CACNA1A: variants seen among roughly 807,000 people sequenced by gnomAD.
The protein encoded by CACNA1A is calcium voltage-gated channel subunit alpha1 A, also known as voltage-dependent P/Q-type calcium channel subunit alpha-1A.
CACNA1A carries 57 observed loss-of-function variants against 262.4 expected under a neutral mutation model. The observed-to-expected ratio is 0.22, with a 90% CI of 0.18 to 0.27. The LOEUF (loss-of-function observed/expected upper bound fraction) is 0.27, where lower values mean the gene tolerates loss of function less well. Ranked by LOEUF, CACNA1A falls within the 10% of genes least tolerant of loss-of-function variation. The pLI, the probability that CACNA1A is intolerant of heterozygous loss-of-function variation, is 1.00. For missense variants in CACNA1A, 2,526 were observed against 3,562.8 expected, an observed-to-expected ratio of 0.71 and a Z score of 7.41; for synonymous variants, 1,431 against 1,419.3, an observed-to-expected ratio of 1.01 and a Z score of -0.18.
At chr19:13,438,449 G>A (rs1209425234) in intron 3 of CACNA1A, among the ~76,000 whole-genome samples, 1 of 152,232 alleles carries the variant, frequency 6.6e-6, no homozygotes, top group African/African-American at 2.4e-5. Context: ...AACTAGCTCA[G>A]GCTAGCCTGC....
At chr19:13,268,893 CTTTTTTTTTTT>C (rs3050832) in intron 24 of CACNA1A, among the ~76,000 whole-genome samples, 1 of 107,948 alleles carries the variant, frequency 9.3e-6, no homozygotes, top group Non-Finnish European at 1.8e-5. Flanking sequence ...ATAGATTCTA[CTTTTTTTTTTT>C]TTTTTTTTTT....
intron 2 of CACNA1A, among the ~76,000 whole-genome samples, chr19:13,454,826 G>T (rs934703805): frequency 1.3e-5 from 2 of 152,122 alleles, no homozygotes; most frequent in African/African-American, 4.8e-5. Flanking sequence ...AACTGGGCAT[G>T]GTGGCACCTG....
chr19:13,368,216 G>T (rs1047408002), intron 4 of CACNA1A, among the ~76,000 whole-genome samples: 4 of 152,128 alleles, frequency 2.6e-5, no homozygotes, highest in African/African-American at 9.7e-5. Context: ...TTGGGAGGCT[G>T]AGATGGTAGG....
At chr19:13,347,827 C>G (rs2145198154) in intron 6 of CACNA1A, among the ~76,000 whole-genome samples, 1 of 152,316 alleles carries the variant, frequency 6.6e-6, no homozygotes, top group South Asian at 2.1e-4. Context: ...TCAAGACAAA[C>G]ATCTATGAAT....
At position 13,308,700 on chromosome 19, in the gene CACNA1A, C is replaced by T. The variant is rs540850471; in HGVS notation, c.1669-172G>A. On this transcript the variant is annotated intron_variant, in intron 12 of 46. Transcript: ENST00000360228. The surrounding 1 kb of genome is among the most constrained non-coding windows in gnomAD (Gnocchi z 4.2). ...CATCCATTCATTTATCTATAGAGAC[C>T]GGGTCTCACTGTGTCACCCAGGCTG... The T allele has an allele frequency of 1.7e-5, 9 of 541,530 alleles. No homozygotes were observed. Among genetic ancestry groups the T allele is most frequent in the Admixed American group, 6.5e-5 (2 of 30,620 alleles). The allele number at this position is 541,530 out of a possible 1,614,324, so 33.5% of individuals were successfully genotyped here.
intron 38 of CACNA1A, among the ~76,000 whole-genome samples, chr19:13,222,640 C>T (rs1397739813): frequency 6.6e-6 from 1 of 151,996 alleles, no homozygotes; most frequent in Admixed American, 6.6e-5. Context: ...CATGATCTGC[C>T]CGCCTCGGCC....
chr19:13,312,106 A>C (rs544171260), intron 12 of CACNA1A, among the ~76,000 whole-genome samples: 1 of 152,270 alleles, frequency 6.6e-6, no homozygotes, highest in South Asian at 2.1e-4. Flanking sequence ...TTCGATGAGA[A>C]GGATTGGACG....
chr19:13,304,532 G>A (rs2057857278), intron 15 of CACNA1A, among the ~76,000 whole-genome samples: 1 of 151,948 alleles, frequency 6.6e-6, no homozygotes, highest in Non-Finnish European at 1.5e-5. Context: ...TGAGGTGGGA[G>A]GATCGTTTGA....
rs538731991 is a variant in CACNA1A at position 13,214,964 on chromosome 19, G to A, written c.5732-356C>T. On this transcript the variant is annotated intron_variant, in intron 38 of 46. Transcript: ENST00000360228. The surrounding 1 kb of genome is among the most constrained non-coding windows in gnomAD (Gnocchi z 4.1). ...GTTTCTCCATCTGTGAAATGGAGATGATAGCAAGAGTACTTGCCTCACCTG... is the reference window on the plus strand; with the variant it reads ...GTTTCTCCATCTGTGAAATGGAGATAATAGCAAGAGTACTTGCCTCACCTG... The A allele has an allele frequency of 5.8e-5, 13 of 222,556 alleles. No homozygotes were observed. The highest frequency in any genetic ancestry group is 1.8e-3 in the Middle Eastern group (1 of 570). 13.8% of individuals were successfully genotyped at this position (222,556 alleles called of 1,614,324 possible).
At chr19:13,339,432 G>C (rs1231177332) in intron 6 of CACNA1A, among the ~76,000 whole-genome samples, 1 of 152,130 alleles carries the variant, frequency 6.6e-6, no homozygotes, top group East Asian at 1.9e-4. Context: ...AGATGGAAAA[G>C]TTTGGGAGAT....
chr19:13,252,843 A>C (rs2056438619), intron 30 of CACNA1A, 148 bp downstream of exon 30: 1 of 553,058 alleles, frequency 1.8e-6, no homozygotes. Flanking sequence ...AGAATGCCTA[A>C]GTAGGATCTG....
chr19:13,437,000 C>G (rs2060624125), intron 3 of CACNA1A, among the ~76,000 whole-genome samples: 3 of 152,180 alleles, frequency 2.0e-5, no homozygotes, highest in Non-Finnish European at 4.4e-5. Context: ...GTCCCTGCCA[C>G]CTGGATGTTA....
chr19:13,251,208 G>C (rs926189579), intron 30 of CACNA1A, among the ~76,000 whole-genome samples: 1 of 151,936 alleles, frequency 6.6e-6, no homozygotes, highest in Non-Finnish European at 1.5e-5. Context: ...AGTAGGCCGG[G>C]TGCGGTGGCT....
chr19:13,472,356 T>C (rs953307720), intron 1 of CACNA1A, among the ~76,000 whole-genome samples: 1 of 152,000 alleles, frequency 6.6e-6, no homozygotes, highest in Non-Finnish European at 1.5e-5. Flanking sequence ...TTTGTATATA[T>C]GTATATATAT....
At chr19:13,230,341 G>A (rs974534879) in intron 35 of CACNA1A, 132 bp from the exon 36 acceptor site, 6 of 845,572 alleles carry the variant, frequency 7.1e-6, no homozygotes, top group Non-Finnish European at 1.1e-5. Flanking sequence ...CAGATGGAGA[G>A]AGGGATAGAG....
At chr19:13,259,733 G>A (rs1363785567) in intron 26 of CACNA1A, 32 bp from the exon 27 acceptor site, 3 of 1,605,740 alleles carry the variant, frequency 1.9e-6, no homozygotes, top group Non-Finnish European at 2.6e-6. Context: ...GTTAGTAAAT[G>A]GGAAAGAGGG....
At chr19:13,451,500 C>G (rs901171495) in intron 3 of CACNA1A, 1 of 152,224 alleles carries the variant, frequency 6.6e-6, no homozygotes, top group African/African-American at 2.4e-5. Context: ...CTACTGGAAT[C>G]TAATAAAAGT....
chr19:13,325,216 A>T (rs1600334252), intron 10 of CACNA1A, among the ~76,000 whole-genome samples: 1 of 132,040 alleles, frequency 7.6e-6, no homozygotes. Context: ...TTTTTAATAC[A>T]GGCCAGGTAC....
At chr19:13,292,234 G>A (rs2057557315) in intron 19 of CACNA1A, among the ~76,000 whole-genome samples, 1 of 152,158 alleles carries the variant, frequency 6.6e-6, no homozygotes, top group African/African-American at 2.4e-5. Flanking sequence ...AATAGAATGT[G>A]CGTCAGTCCA....
Sources: allele counts gnomAD v4.1 joint callset (sites outside exome capture counted in the v4.1 genomes callset), GRCh38; gene constraint gnomAD v4.1.1; non-coding constraint Gnocchi (gnomAD v3.1); transcripts MANE v1.5; gene names NCBI Gene and HGNC (gene_info 2026-07-23, HGNC 2026-07-21).